CYB5R4: variants seen among roughly 807,000 people sequenced by gnomAD.
CYB5R4 encodes the protein N-terminal cytochrome b5 and cytochrome b5 oxidoreductase domain-containing protein.
Under a neutral mutation model 70.2 loss-of-function variants are expected in CYB5R4, and 55 were observed. That is an observed-to-expected ratio of 0.78 (90% confidence interval 0.63 to 0.98). CYB5R4 has a LOEUF of 0.98. Among genes scored for constraint, CYB5R4 ranks in the 50% least tolerant of loss-of-function variants. The pLI is 0.00. For synonymous variants in CYB5R4, 197 were observed against 199.5 expected (o/e 0.99, Z 0.11); for missense variants, 562 against 612.6 (o/e 0.92, Z 0.87).
At chr6:83,922,075 ACACT>A (rs1248757884) in intron 8 of CYB5R4, among the ~76,000 whole-genome samples, 2 of 152,142 alleles carry the variant, frequency 1.3e-5, no homozygotes, top group African/African-American at 4.8e-5. Context: ...ACATACACAC[ACACT>A]CACACACTGG....
intron 2 of CYB5R4, among the ~76,000 whole-genome samples, chr6:83,878,796 A>G (rs2099458990): frequency 6.6e-6 from 1 of 151,524 alleles, no homozygotes; most frequent in African/African-American, 2.4e-5. Context: ...CTAGATTTGG[A>G]GTGTATTTTG....
intron 14 of CYB5R4, among the ~76,000 whole-genome samples, chr6:83,942,225 G>T (rs56902711): frequency 6.6e-6 from 1 of 152,196 alleles, no homozygotes. Flanking sequence ...AGCTCCCAGC[G>T]AGACCAACAC....
At chr6:83,932,750 A>G (rs1160503892) in intron 10 of CYB5R4, among the ~76,000 whole-genome samples, 2 of 152,178 alleles carry the variant, frequency 1.3e-5, no homozygotes, top group East Asian at 3.9e-4. Flanking sequence ...GTTTATGTGA[A>G]AAGCTAGTGC....
intron 5 of CYB5R4, among the ~76,000 whole-genome samples, chr6:83,916,055 A>T (rs182440356): frequency 2.1e-3 from 316 of 152,084 alleles, no homozygotes; most frequent in African/African-American, 7.3e-3. Context: ...TTTTGTTTTT[A>T]GTTAGTTTTA....
rs2129146818 is a variant in CYB5R4, at chr6:83,959,919, A to T, written c.*41A>T. On this transcript the variant is annotated 3_prime_UTR_variant, in exon 16 of 16. Coordinates refer to ENST00000369681, the MANE Select transcript of CYB5R4 (RefSeq NM_016230.4). ...GTCCTTTATTCAACTAGTTTATCTA[A>T]ATTTGTGATTGCTTAGGGTTTTTTA... is the stretch of plus-strand genomic sequence containing the variant. 6.7e-7 allele frequency: 1 copy of T among 1,485,148 alleles called. No individual in the cohort carries two copies. The highest frequency in any genetic ancestry group is 9.1e-7 in the Non-Finnish European group (1 of 1,096,294). The allele number at this position is 1,485,148 out of a possible 1,614,324, so 92.0% of individuals were successfully genotyped here. A position where few individuals can be genotyped will look rare whatever the true frequency, so the allele number is the denominator to read the frequency against.
chr6:83,868,090 TA>T (rs2099457023), intron 2 of CYB5R4, among the ~76,000 whole-genome samples: 1 of 152,210 alleles, frequency 6.6e-6, no homozygotes, highest in Non-Finnish European at 1.5e-5. Flanking sequence ...GTGCCAACTT[TA>T]GTCTTGAAGG....
intron 9 of CYB5R4, among the ~76,000 whole-genome samples, chr6:83,922,901 G>A (rs894522319): frequency 1.3e-5 from 2 of 151,808 alleles, no homozygotes; most frequent in Admixed American, 6.6e-5. Context: ...TGATCCTCCC[G>A]TCTCAGCCTC....
At chr6:83,915,145 G>A (rs960490592) in intron 5 of CYB5R4, among the ~76,000 whole-genome samples, 1 of 152,080 alleles carries the variant, frequency 6.6e-6, no homozygotes, top group Non-Finnish European at 1.5e-5. Context: ...CAGCCATTCT[G>A]GATGACTTGC....
At chr6:83,903,481 T>G (rs1032493554) in intron 3 of CYB5R4, among the ~76,000 whole-genome samples, 4 of 151,942 alleles carry the variant, frequency 2.6e-5, no homozygotes, top group Non-Finnish European at 4.4e-5. Context: ...TTTTGTGGGG[T>G]TTTTTTGGTT....
At chr6:83,948,107 C>CT (rs2099470928) in intron 14 of CYB5R4, among the ~76,000 whole-genome samples, 1 of 152,158 alleles carries the variant, frequency 6.6e-6, no homozygotes, top group African/African-American at 2.4e-5. Flanking sequence ...ATAGCAAAGA[C>CT]TTGGAACCAA....
intron 2 of CYB5R4, among the ~76,000 whole-genome samples, chr6:83,890,601 A>G (rs1198160857): frequency 6.6e-6 from 1 of 152,204 alleles, no homozygotes; most frequent in Admixed American, 6.5e-5. Context: ...GAGGATTGAC[A>G]TCAATTTTGG....
At chr6:83,860,959 AGGCTTGTGTTGT>A (rs1435713742) in intron 1 of CYB5R4, among the ~76,000 whole-genome samples, 1 of 152,246 alleles carries the variant, frequency 6.6e-6, no homozygotes, top group Non-Finnish European at 1.5e-5. Context: ...TAAATTGCGT[AGGCTTGTGTTGT>A]GGTTCTGCTG....
chr6:83,963,523 C>T lies in CYB5R4; in HGVS notation c.*3645C>T, dbSNP rs139696222. ...AAATTATAAAGGAAAAATGGAATCT[C>T]AAGTAGTTACAGTCTCTTGGTGTCT... On this transcript the variant is annotated 3_prime_UTR_variant, in exon 16 of 16. Coordinates refer to ENST00000369681, the MANE Select transcript of CYB5R4 (RefSeq NM_016230.4). The T allele has an allele frequency of 1.5e-3, 229 of 152,272 alleles. No homozygotes were observed. The highest frequency in any genetic ancestry group is 2.5e-3 in the Non-Finnish European group (169 of 68,018). The allele number at this position is 152,272 out of a possible 1,614,324, so 9.4% of individuals were successfully genotyped here.
chr6:83,869,502 C>G (rs2099457250), intron 2 of CYB5R4, among the ~76,000 whole-genome samples: 1 of 152,178 alleles, frequency 6.6e-6, no homozygotes, highest in South Asian at 2.1e-4. Context: ...AGGCTATGTT[C>G]TGACTTCTTG....
Position 83,959,942 on chromosome 6 carries a change from T to C in CYB5R4, c.*64T>C. On this transcript the variant is annotated 3_prime_UTR_variant, in exon 16 of 16. Coordinates refer to ENST00000369681, the MANE Select transcript of CYB5R4 (RefSeq NM_016230.4). ...TAAATTTGTGATTGCTTAGGGTTTT[T>C]TAAGAGAACATTTTTGTACATAACA... The C allele has an allele frequency of 1.5e-6, 2 of 1,292,710 alleles. No individual in the cohort carries two copies. Among genetic ancestry groups the C allele is most frequent in the Non-Finnish European group, 2.1e-6 (2 of 941,932 alleles). The allele number at this position is 1,292,710 out of a possible 1,614,324, so 80.1% of individuals were successfully genotyped here. A position where few individuals can be genotyped will look rare whatever the true frequency, so the allele number is the denominator to read the frequency against.
At chr6:83,897,807 A>G (rs2099462159) in intron 3 of CYB5R4, among the ~76,000 whole-genome samples, 1 of 152,082 alleles carries the variant, frequency 6.6e-6, no homozygotes, top group Admixed American at 6.5e-5. Flanking sequence ...TTGTCAGATG[A>G]GAAGATTGCA....
intron 14 of CYB5R4, among the ~76,000 whole-genome samples, chr6:83,953,021 G>A (rs764143382): frequency 3.3e-5 from 5 of 152,118 alleles, no homozygotes; most frequent in Admixed American, 6.5e-5. Flanking sequence ...CACTAATCTG[G>A]AGCCTTATAG....
intron 10 of CYB5R4, among the ~76,000 whole-genome samples, chr6:83,933,419 G>A (rs1427436613): frequency 6.6e-6 from 1 of 152,104 alleles, no homozygotes; most frequent in Admixed American, 6.5e-5. Flanking sequence ...AGGATTATAG[G>A]TGAATTTCAG....
At chr6:83,958,540 G>A (rs1466613924) in intron 15 of CYB5R4, among the ~76,000 whole-genome samples, 2 of 152,190 alleles carry the variant, frequency 1.3e-5, no homozygotes, top group African/African-American at 2.4e-5. Flanking sequence ...TGCATTAGGG[G>A]TGCAGATTTA....
Sources: gnomAD v4.1 joint callset for allele counts (sites outside exome capture counted in the v4.1 genomes callset) on GRCh38, gnomAD v4.1.1 for gene constraint, MANE v1.5 for transcripts, NCBI Gene and HGNC (gene_info 2026-07-23, HGNC 2026-07-21) for gene names.